Variants in NRXN1 observed in about 807,000 individuals in gnomAD.
NRXN1 encodes neurexin-1.
Under a neutral mutation model 150.9 loss-of-function variants are expected in NRXN1, and 39 were observed. The ratio of observed to expected loss-of-function variants is 0.26; its 90% CI spans 0.20 to 0.34. NRXN1 has a LOEUF of 0.34. Among genes scored for constraint, NRXN1 ranks in the 10% least tolerant of loss-of-function variants. The pLI is 1.00. For synonymous variants in NRXN1, 924 were observed against 757.0 expected (o/e 1.22, Z -3.62); for missense variants, 1,815 against 1,949.9 (o/e 0.93, Z 1.30).
At chr2:50,645,571 C>T (rs886950639) in intron 5 of NRXN1, among the ~76,000 whole-genome samples, 2 of 151,892 alleles carry the variant, frequency 1.3e-5, no homozygotes, top group African/African-American at 2.4e-5. Flanking sequence ...GATTGTTTAC[C>T]ACTGCATCCC....
At chr2:50,949,493 A>G (rs1055387118) in intron 2 of NRXN1, among the ~76,000 whole-genome samples, 1 of 152,078 alleles carries the variant, frequency 6.6e-6, no homozygotes, top group East Asian at 1.9e-4. Context: ...TACAAGGGAC[A>G]GAGAAGGCCA....
intron 18 of NRXN1, among the ~76,000 whole-genome samples, chr2:50,218,507 T>TC (rs1491224292): frequency 7.5e-6 from 1 of 133,878 alleles, no homozygotes; most frequent in East Asian, 2.1e-4. Context: ...TTTTTTTTTT[T>TC]CTTTCTCAGA....
At position 50,797,754 on chromosome 2, in the gene NRXN1, T is replaced by A. The variant is rs571103002; in HGVS notation, c.832+124115A>T. 3.9e-5 allele frequency among the ~76,000 whole-genome samples: 6 copies of A among 152,302 alleles called. No individual in the cohort carries two copies. In the South Asian group the frequency reaches 1.2e-3, roughly 32 times the overall value. On this transcript the variant is annotated intron_variant, in intron 5 of 22. Transcript: ENST00000401669. ...TGTCAGATACAGAGCAAGCACTCAA[T>A]AAATGGTAGCCCTGGCATATCACAG...
intron 18 of NRXN1, among the ~76,000 whole-genome samples, chr2:50,174,210 C>A (rs990968724): frequency 2.6e-5 from 4 of 151,854 alleles, no homozygotes; most frequent in African/African-American, 9.7e-5. Context: ...AAAAAAGAGA[C>A]AAAATAGTGT....
At chr2:50,608,955 A>T (rs1231763593) in intron 8 of NRXN1, among the ~76,000 whole-genome samples, 1 of 152,192 alleles carries the variant, frequency 6.6e-6, no homozygotes, top group East Asian at 1.9e-4. Flanking sequence ...CATATTTAAA[A>T]AAAAATCCAG....
chr2:50,258,856 G>A (rs915840864), intron 17 of NRXN1, among the ~76,000 whole-genome samples: 2 of 151,986 alleles, frequency 1.3e-5, no homozygotes, highest in African/African-American at 4.8e-5. Flanking sequence ...CCATCATTGG[G>A]TGACAGGTGC....
chr2:50,325,225 C>T (rs1472659929), intron 17 of NRXN1, among the ~76,000 whole-genome samples: 1 of 152,126 alleles, frequency 6.6e-6, no homozygotes, highest in East Asian at 1.9e-4. Flanking sequence ...ACATAAATGC[C>T]AAGGGAAGAA....
chr2:50,388,807 T>A (rs776018964), intron 17 of NRXN1, among the ~76,000 whole-genome samples: 11 of 152,140 alleles, frequency 7.2e-5, no homozygotes, highest in Non-Finnish European at 1.6e-4. Context: ...GACACCCTTT[T>A]ATTGAACATC....
chr2:50,613,825 C>T (rs577358335), intron 8 of NRXN1, among the ~76,000 whole-genome samples: 3 of 152,202 alleles, frequency 2.0e-5, no homozygotes, highest in African/African-American at 7.2e-5. Context: ...GTAGTCCCAG[C>T]TACTCGGGAG....
intron 15 of NRXN1, among the ~76,000 whole-genome samples, chr2:50,483,864 G>T (rs1288143279): frequency 6.6e-6 from 1 of 152,296 alleles, no homozygotes; most frequent in African/African-American, 2.4e-5. Context: ...CTTATGTAAA[G>T]CTGTTATTTT....
intron 17 of NRXN1, among the ~76,000 whole-genome samples, chr2:50,295,124 G>C (rs542020713): frequency 1.6e-4 from 24 of 152,244 alleles, no homozygotes; most frequent in African/African-American, 5.8e-4. Flanking sequence ...TCCTGTTTCT[G>C]CTTTCTATGC....
chr2:50,215,323 G>A (rs1353365051), intron 18 of NRXN1, among the ~76,000 whole-genome samples: 1 of 151,834 alleles, frequency 6.6e-6, no homozygotes, highest in African/African-American at 2.4e-5. Context: ...TTAAAATAAA[G>A]GCCTATTATA....
chr2:50,825,857 T>C (rs1296099619), intron 5 of NRXN1, among the ~76,000 whole-genome samples: 1 of 152,182 alleles, frequency 6.6e-6, no homozygotes, highest in Admixed American at 6.5e-5. Context: ...TGTGTCTGAA[T>C]TGACTTAAAT....
intron 21 of NRXN1, among the ~76,000 whole-genome samples, chr2:49,992,931 G>C (rs1387915010): frequency 1.3e-5 from 2 of 152,226 alleles, no homozygotes; most frequent in East Asian, 3.8e-4. Context: ...AGGATGTCAA[G>C]CAACAGGAAT....
intron 18 of NRXN1, among the ~76,000 whole-genome samples, chr2:50,197,199 G>GT (rs747669096): frequency 1.7e-4 from 25 of 151,230 alleles, no homozygotes; most frequent in African/African-American, 2.9e-4. Flanking sequence ...CCAAATCTTT[G>GT]TTTTTTTTTA....
At chr2:50,169,287 T>C (rs957455964) in intron 18 of NRXN1, among the ~76,000 whole-genome samples, 2 of 152,158 alleles carry the variant, frequency 1.3e-5, no homozygotes, top group African/African-American at 4.8e-5. Flanking sequence ...TACCACTCTA[T>C]TGTAGCTATT....
chr2:50,179,809 G>A (rs187734047), intron 18 of NRXN1, among the ~76,000 whole-genome samples: 218 of 152,156 alleles, frequency 1.4e-3, no homozygotes, highest in African/African-American at 4.9e-3. Context: ...AGCAGCAGCT[G>A]CTTAGGAGTG....
At chr2:50,406,436 T>C (rs1320242713) in intron 17 of NRXN1, among the ~76,000 whole-genome samples, 1 of 152,180 alleles carries the variant, frequency 6.6e-6, no homozygotes, top group Non-Finnish European at 1.5e-5. Context: ...TATTGTCCCT[T>C]ACCTCTTGGA....
At chr2:50,640,432 C>T (rs886793802) in intron 5 of NRXN1, among the ~76,000 whole-genome samples, 7 of 152,110 alleles carry the variant, frequency 4.6e-5, no homozygotes, top group African/African-American at 1.7e-4. Flanking sequence ...GCTTATGTAA[C>T]TTATCAGGAA....
Sources: allele counts gnomAD v4.1 joint callset (sites outside exome capture counted in the v4.1 genomes callset), GRCh38; gene constraint gnomAD v4.1.1; transcripts MANE v1.5; gene names NCBI Gene and HGNC (gene_info 2026-07-23, HGNC 2026-07-21).